The following CFAP57 variants were observed in gnomAD, a reference collection of about 807,000 sequenced individuals.
CFAP57 encodes cilia- and flagella-associated protein 57.
Under a neutral mutation model 146.8 loss-of-function variants are expected in CFAP57, and 116 were observed. The observed-to-expected ratio is 0.79, with a 90% CI of 0.68 to 0.92. CFAP57 has a LOEUF of 0.92. Among genes scored for constraint, CFAP57 ranks in the 40% least tolerant of loss-of-function variants. The pLI, the probability that CFAP57 is intolerant of heterozygous loss-of-function variation, is 0.00. For synonymous variants in CFAP57, 518 were observed against 552.8 expected (o/e 0.94, Z 0.88); for missense variants, 1,377 against 1,527.2 (o/e 0.90, Z 1.64).
At chr1:43,193,179 C>A (rs1412368212) in intron 6 of CFAP57, among the ~76,000 whole-genome samples, 8 of 152,204 alleles carry the variant, frequency 5.3e-5, no homozygotes, top group Admixed American at 2.6e-4. Context: ...ACTGTAACCA[C>A]ACCAGCATTT....
At chr1:43,194,583 A>C (rs1164295776) in intron 6 of CFAP57, 1 of 151,982 alleles carries the variant, frequency 6.6e-6, no homozygotes, top group Non-Finnish European at 1.5e-5. Context: ...CTTATGCATT[A>C]GTTGGTGTGC....
chr1:43,231,957 C>T, intron 18 of CFAP57: 1 of 560,514 alleles, frequency 1.8e-6, no homozygotes, highest in Non-Finnish European at 3.2e-6. Context: ...TTTTTAAGAC[C>T]TTTCAACAGA....
At chr1:43,216,445 C>T (rs1007457298) in intron 12 of CFAP57, among the ~76,000 whole-genome samples, 2 of 152,132 alleles carry the variant, frequency 1.3e-5, no homozygotes, top group Admixed American at 6.5e-5. Context: ...GCAGAAGGGA[C>T]ATTTCCTTTT....
intron 21 of CFAP57, among the ~76,000 whole-genome samples, chr1:43,239,412 G>A (rs1296257469): frequency 2.0e-5 from 3 of 151,838 alleles, no homozygotes; most frequent in Non-Finnish European, 2.9e-5. Flanking sequence ...CAGGTACCAG[G>A]AGCCAGAAAT....
At chr1:43,224,235 A>G (rs1451488891) in intron 17 of CFAP57, 31 bp downstream of exon 17, 1 of 1,499,446 alleles carries the variant, frequency 6.7e-7, no homozygotes, top group African/African-American at 1.4e-5. Flanking sequence ...TCCCTCAGCT[A>G]CGGCCAGATG....
intron 2 of CFAP57, among the ~76,000 whole-genome samples, chr1:43,180,211 AATATATATATTTT>A (rs1407574220): frequency 6.9e-6 from 1 of 144,204 alleles, no homozygotes; most frequent in Admixed American, 7.0e-5. Flanking sequence ...TATCTCAAAA[AATATATATATTTT>A]ATATATATAT....
intron 13 of CFAP57, 81 bp downstream of exon 13, chr1:43,219,618 G>A (rs1043387489): frequency 2.0e-6 from 3 of 1,464,992 alleles, no homozygotes; most frequent in Non-Finnish European, 2.8e-6. Context: ...TACTGCCCAA[G>A]CTATGCTCAA....
chr1:43,192,934 A>AT (rs200233607), intron 6 of CFAP57, among the ~76,000 whole-genome samples: 27,401 of 152,088 alleles, frequency 0.18, 3,577 homozygotes, highest in African/African-American at 0.35. Context: ...ATCTCAAAAA[A>AT]AAAAATAAAA....
chr1:43,189,800 G>A (rs1643384779), intron 6 of CFAP57, among the ~76,000 whole-genome samples: 1 of 152,220 alleles, frequency 6.6e-6, no homozygotes, highest in Admixed American at 6.5e-5. Context: ...AGTGGAAGAT[G>A]AAGGGGTAGT....
intron 8 of CFAP57, 120 bp downstream of exon 8, chr1:43,198,766 C>T: frequency 9.4e-7 from 1 of 1,060,856 alleles, no homozygotes; most frequent in Non-Finnish European, 1.4e-6. Context: ...ACTACAGTGG[C>T]TTAAAAAAAG....
chr1:43,248,245 A>G (rs1646188308), intron 22 of CFAP57, among the ~76,000 whole-genome samples: 1 of 150,498 alleles, frequency 6.6e-6, no homozygotes, highest in African/African-American at 2.4e-5. Context: ...AACCTTCCTT[A>G]CCAAAAAATA....
At chr1:43,205,159 C>G (rs1454700269) in intron 9 of CFAP57, among the ~76,000 whole-genome samples, 1 of 152,222 alleles carries the variant, frequency 6.6e-6, no homozygotes, top group African/African-American at 2.4e-5. Context: ...CTCTTCTTCT[C>G]TGTCCCTTTC....
At chr1:43,180,267 A>T (rs1422875809) in intron 2 of CFAP57, among the ~76,000 whole-genome samples, 1 of 148,584 alleles carries the variant, frequency 6.7e-6, no homozygotes, top group Non-Finnish European at 1.5e-5. Flanking sequence ...TATATTATTT[A>T]AAAATATATG....
At chr1:43,197,961 A>G (rs540790423) in intron 7 of CFAP57, among the ~76,000 whole-genome samples, 1 of 152,284 alleles carries the variant, frequency 6.6e-6, no homozygotes, top group Admixed American at 6.5e-5. Context: ...ACCTTCTTAC[A>G]TAAACTCCTG....
chr1:43,219,485 A>G lies in CFAP57; in HGVS notation c.2195A>G (p.Glu732Gly), dbSNP rs557935597. 1.3e-6 allele frequency: 2 copies of G among 1,550,588 alleles called. No individual in the cohort carries two copies. Among genetic ancestry groups the G allele is most frequent in the African/African-American group, 2.7e-5 (2 of 73,176 alleles). Residue 732 changes from glutamate (E) to glycine (G), a missense_variant, in exon 13 of 23, where the codon GAG becomes GGG. Transcript: ENST00000372492. ...ATGAACTATTCTGAGAAGATTAAGG[A>G]GCTAACAGACAAGTTCATCCAGGAA... ...KDMNYSEKIK[E>G]LTDKFIQEME...
At chr1:43,242,226 T>G (rs1455283859) in intron 21 of CFAP57, among the ~76,000 whole-genome samples, 1 of 152,112 alleles carries the variant, frequency 6.6e-6, no homozygotes, top group Non-Finnish European at 1.5e-5. Context: ...GAATCCACCC[T>G]AGTCATTCAG....
intron 6 of CFAP57, among the ~76,000 whole-genome samples, chr1:43,188,416 C>A (rs1643288366): frequency 6.6e-6 from 1 of 152,106 alleles, no homozygotes; most frequent in South Asian, 2.1e-4. Flanking sequence ...TATGAGCATT[C>A]TGATTTCTCT....
intron 18 of CFAP57, 127 bp downstream of exon 18, chr1:43,227,253 A>T: frequency 8.5e-7 from 1 of 1,180,016 alleles, no homozygotes; most frequent in South Asian, 2.2e-5. Context: ...AGGTGTGTGC[A>T]GCCTCCAGTC....
chr1:43,183,553 T>C (rs1645505915), intron 3 of CFAP57, 38 bp from the exon 4 acceptor site: 1 of 1,581,492 alleles, frequency 6.3e-7, no homozygotes, highest in Non-Finnish European at 8.7e-7. Flanking sequence ...AAGAATAGTT[T>C]CATAAATTTT....
Sources: gnomAD v4.1 joint callset for allele counts (sites outside exome capture counted in the v4.1 genomes callset) on GRCh38, gnomAD v4.1.1 for gene constraint, MANE v1.5 for transcripts, NCBI Gene and HGNC (gene_info 2026-07-23, HGNC 2026-07-21) for gene names.